EPS8: variants seen among roughly 807,000 people sequenced by gnomAD.
EPS8 encodes epidermal growth factor receptor kinase substrate 8.
EPS8 carries 42 observed loss-of-function variants against 103.8 expected under a neutral mutation model. The observed-to-expected ratio is 0.40, with a 90% CI of 0.32 to 0.52. The LOEUF (loss-of-function observed/expected upper bound fraction) is 0.52. Ranked by LOEUF, EPS8 falls within the 20% of genes least tolerant of loss-of-function variation. The pLI, the probability that EPS8 is intolerant of heterozygous loss-of-function variation, is 0.40. For synonymous variants in EPS8, 344 were observed against 344.6 expected, an observed-to-expected ratio of 1.00 and a Z score of 0.02; for missense variants, 969 against 1,005.1, an observed-to-expected ratio of 0.96 and a Z score of 0.49.
chr12:15,623,347 A>G, intron 19 of EPS8, 60 bp from the exon 20 acceptor site: 1 of 1,489,150 alleles, frequency 6.7e-7, no homozygotes, highest in Non-Finnish European at 9.1e-7. Context: ...CAAACAAAGG[A>G]GAAAATTATC....
chr12:15,659,473 G>C (rs1945566934), intron 10 of EPS8, among the ~76,000 whole-genome samples: 1 of 152,126 alleles, frequency 6.6e-6, no homozygotes, highest in African/African-American at 2.4e-5. Context: ...AAGAATCTGT[G>C]GTTTTGAATC....
At position 15,771,284 on chromosome 12, in the gene EPS8, T is replaced by C. The variant is rs1267425863; in HGVS notation, c.-22+17877A>G. 6.6e-6 allele frequency among the ~76,000 whole-genome samples: 1 copy of C among 152,184 alleles called. No individual in the cohort carries two copies. Among genetic ancestry groups the C allele is most frequent in the Non-Finnish European group, 1.5e-5 (1 of 68,026 alleles). On this transcript the variant is annotated intron_variant, in intron 1 of 20. Transcript: ENST00000281172. The surrounding 1 kb of genome is among the most constrained non-coding windows in gnomAD (Gnocchi z 4.6). Reference sequence around the variant, plus strand: ...GTGTATAGTACCTCACTTTGGCTAATGAGTAATTTATAGGAAAGCGGGTAG... The same window carrying C: ...GTGTATAGTACCTCACTTTGGCTAACGAGTAATTTATAGGAAAGCGGGTAG...
chr12:15,760,019 C>T lies in EPS8; in HGVS notation c.-22+29142G>A, dbSNP rs557164462. Among the ~76,000 whole-genome samples, 9 of 151,684 alleles carry T rather than the reference C, an allele frequency of 5.9e-5. No homozygotes were observed. The highest frequency in any genetic ancestry group is 2.1e-4 in the South Asian group (1 of 4,802). On this transcript the variant is annotated intron_variant, in intron 1 of 20. Coordinates refer to ENST00000281172, the MANE Select transcript of EPS8 (RefSeq NM_004447.6). This position sits in a 1 kb window ranked among gnomAD's most constrained non-coding sequence, Gnocchi z 4.5. ...GAAAATATAAAAAAAATCAATGAAACTAAAAGTTGGTTTTCTAAATAAACA... is the reference window on the plus strand; with the variant it reads ...GAAAATATAAAAAAAATCAATGAAATTAAAAGTTGGTTTTCTAAATAAACA...
intron 1 of EPS8, among the ~76,000 whole-genome samples, chr12:15,723,320 T>C (rs530902642): frequency 6.6e-6 from 1 of 152,202 alleles, no homozygotes; most frequent in East Asian, 1.9e-4. Flanking sequence ...CAAAAAAATA[T>C]ATATATATCT....
intron 15 of EPS8, among the ~76,000 whole-genome samples, chr12:15,643,229 T>C (rs1481393638): frequency 1.3e-5 from 2 of 152,294 alleles, no homozygotes; most frequent in East Asian, 3.9e-4. Context: ...TCCTTTCTCC[T>C]ATGATCTGCA....
rs538873754 is a variant in EPS8 at position 15,714,619 on chromosome 12, T to C, written c.-21-31647A>G. 1.8e-4 allele frequency among the ~76,000 whole-genome samples: 27 copies of C among 152,316 alleles called. No individual in the cohort carries two copies. Among genetic ancestry groups the C allele is most frequent in the Admixed American group, 1.8e-3 (27 of 15,298 alleles). ...GATCACGCCACTGTATTCCAGCCTG[T>C]GTGACTGAGCAGGACCCATCTCTTT... On this transcript the variant is annotated intron_variant, in intron 1 of 20. Transcript: ENST00000281172. This position sits in a 1 kb window ranked among gnomAD's most constrained non-coding sequence, Gnocchi z 4.1.
chr12:15,750,134 T>A lies in EPS8; in HGVS notation c.-22+39027A>T, dbSNP rs149852981. Among the ~76,000 whole-genome samples the A allele has an allele frequency of 4.3e-3, 652 of 152,292 alleles. 3 individuals carry two copies. The highest frequency in any genetic ancestry group is 7.0e-3 in the Non-Finnish European group (476 of 68,030). On this transcript the variant is annotated intron_variant, in intron 1 of 20. Transcript: ENST00000281172. Reference sequence around the variant, plus strand: ...TCTCCCACCCTGTAGAGGATACACCTGCCACTCCAGTGCTCAGTGAGTGTT... The same window carrying A: ...TCTCCCACCCTGTAGAGGATACACCAGCCACTCCAGTGCTCAGTGAGTGTT...
At chr12:15,689,473 A>G (rs1946142607) in intron 1 of EPS8, among the ~76,000 whole-genome samples, 1 of 152,204 alleles carries the variant, frequency 6.6e-6, no homozygotes, top group Non-Finnish European at 1.5e-5. Context: ...AACATACTCT[A>G]AAAACATCTT....
At chr12:15,670,835 G>A in intron 4 of EPS8, 21 bp downstream of exon 4, 1 of 1,566,252 alleles carries the variant, frequency 6.4e-7, no homozygotes, top group Non-Finnish European at 8.8e-7. Flanking sequence ...CTAAATACTA[G>A]CAAACACCAA....
At chr12:15,658,046 G>T in intron 12 of EPS8, 33 bp downstream of exon 12, 1 of 1,339,152 alleles carries the variant, frequency 7.5e-7, no homozygotes, top group South Asian at 1.2e-5. Context: ...AATATACTAA[G>T]AACGATTCTT....
At chr12:15,632,764 C>CCACA (rs555406504) in intron 17 of EPS8, among the ~76,000 whole-genome samples, 1 of 152,064 alleles carries the variant, frequency 6.6e-6, no homozygotes, top group African/African-American at 2.4e-5. Context: ...AAAATACACA[C>CCACA]CACACACAGA....
chr12:15,657,545 T>C (rs1325404197), intron 12 of EPS8, among the ~76,000 whole-genome samples: 1 of 152,230 alleles, frequency 6.6e-6, no homozygotes. Flanking sequence ...TTGTCTGTTT[T>C]GTTCCTGATG....
At chr12:15,628,153 T>TA (rs757210826) in intron 18 of EPS8, among the ~76,000 whole-genome samples, 178 of 152,252 alleles carry the variant, frequency 1.2e-3, no homozygotes, top group Middle Eastern at 3.4e-3. Context: ...TATTGATTGT[T>TA]ACATTTAAGT....
chr12:15,644,439 A>G (rs1310828336), intron 15 of EPS8, among the ~76,000 whole-genome samples: 1 of 151,800 alleles, frequency 6.6e-6, no homozygotes, highest in Non-Finnish European at 1.5e-5. Flanking sequence ...TCACGCCTGT[A>G]ATCCCAGCAC....
rs1331094904 is a variant in EPS8, at chr12:15,787,681, A to C, written c.-22+1480T>G. Among the ~76,000 whole-genome samples, 1 of 152,160 alleles carries C rather than the reference A, an allele frequency of 6.6e-6. No homozygotes were observed. Among genetic ancestry groups the C allele is most frequent in the Non-Finnish European group, 1.5e-5 (1 of 68,014 alleles). On this transcript the variant is annotated intron_variant, in intron 1 of 20. Transcript: ENST00000281172. The surrounding 1 kb of genome is among the most constrained non-coding windows in gnomAD (Gnocchi z 4.9). ...TTTTTTTTCTGCTATAAAGTGAATG[A>C]CTTGTGGTGCAATCTTACAAAGTCT...
rs989654544 is a variant in EPS8 at position 15,651,582 on chromosome 12, T to A, written c.1251-576A>T. ...AGCTCTGTTTTAATCAGTAAACTAA[T>A]CTGTAATCACAATCATATGGGTTCA... On this transcript the variant is annotated intron_variant, in intron 13 of 20. Transcript: ENST00000281172. Among the ~76,000 whole-genome samples the A allele has an allele frequency of 6.6e-5, 10 of 152,330 alleles. No homozygotes were observed. The East Asian group carries it at 1.7e-3, about 26-fold the overall frequency.
At chr12:15,707,624 G>T (rs1235031362) in intron 1 of EPS8, among the ~76,000 whole-genome samples, 1 of 151,062 alleles carries the variant, frequency 6.6e-6, no homozygotes, top group Admixed American at 6.6e-5. Context: ...CTCTGGTATC[G>T]CCTTGCTCTT....
rs909444784 is a variant in EPS8, at chr12:15,704,350, A to G, written c.-21-21378T>C. 6.6e-6 allele frequency among the ~76,000 whole-genome samples: 1 copy of G among 152,228 alleles called. No homozygotes were observed. The highest frequency in any genetic ancestry group is 1.5e-5 in the Non-Finnish European group (1 of 68,042). On this transcript the variant is annotated intron_variant, in intron 1 of 20. Transcript: ENST00000281172. This position sits in a 1 kb window ranked among gnomAD's most constrained non-coding sequence, Gnocchi z 4.6. Reference sequence around the variant, plus strand: ...AAGTGTTGTCCATTCACAGATGAATAAGTAAAATATCATACATCTACATAA... The same window carrying G: ...AAGTGTTGTCCATTCACAGATGAATGAGTAAAATATCATACATCTACATAA...
rs1040844371 is a variant in EPS8, at chr12:15,752,243, C to T, written c.-22+36918G>A. Among the ~76,000 whole-genome samples the T allele has an allele frequency of 9.9e-5, 15 of 152,008 alleles. No individual in the cohort carries two copies. Among genetic ancestry groups the T allele is most frequent in the Admixed American group, 3.3e-4 (5 of 15,258 alleles). On this transcript the variant is annotated intron_variant, in intron 1 of 20. Transcript: ENST00000281172. This position sits in a 1 kb window ranked among gnomAD's most constrained non-coding sequence, Gnocchi z 4.4. ...CAGGCGGATCACGAGGTCAGGAGAT[C>T]GAGACCATCCTGGCTAACATGGTGA... is the stretch of plus-strand genomic sequence containing the variant.
Sources: gnomAD v4.1 joint callset for allele counts (sites outside exome capture counted in the v4.1 genomes callset) on GRCh38, gnomAD v4.1.1 for gene constraint, Gnocchi (gnomAD v3.1) non-coding constraint, MANE v1.5 for transcripts, NCBI Gene and HGNC (gene_info 2026-07-23, HGNC 2026-07-21) for gene names.